Variants in AMPH observed in about 807,000 individuals in gnomAD.
AMPH encodes the protein amphiphysin (Stiff-Mann syndrome with breast cancer 128kD autoantigen).
A neutral mutation model predicts 99.1 loss-of-function variants in AMPH; 49 were observed. The observed-to-expected ratio is 0.49, with a 90% CI of 0.39 to 0.63. The LOEUF (loss-of-function observed/expected upper bound fraction) is 0.63. Ranked by LOEUF, AMPH falls within the 20% of genes least tolerant of loss-of-function variation. The probability of loss-of-function intolerance (pLI) is 0.00; values close to 1 mark genes in which losing one functional copy is unlikely to be tolerated. For missense variants in AMPH, 759 were observed against 863.4 expected (o/e 0.88, Z 1.52); for synonymous variants, 314 against 317.3 (o/e 0.99, Z 0.11).
At chr7:38,444,610 G>C (rs1028698120) in intron 11 of AMPH, among the ~76,000 whole-genome samples, 7 of 152,196 alleles carry the variant, frequency 4.6e-5, no homozygotes, top group Admixed American at 3.3e-4. Flanking sequence ...TAGGAGAGAA[G>C]AAAGGATTGA....
At chr7:38,392,485 G>C (rs376910889) in intron 18 of AMPH, 3 of 148,424 alleles carry the variant, frequency 2.0e-5, no homozygotes, top group South Asian at 2.2e-4. Context: ...CTCCCGGGTT[G>C]ACGCCATTCT....
chr7:38,535,979 C>A (rs1790583949), intron 1 of AMPH, among the ~76,000 whole-genome samples: 3 of 152,078 alleles, frequency 2.0e-5, no homozygotes, highest in Admixed American at 2.0e-4. Context: ...ATGGTAAGTT[C>A]CGTCTCACCA....
At chr7:38,388,949 T>C (rs1161446401) in intron 20 of AMPH, among the ~76,000 whole-genome samples, 2 of 152,206 alleles carry the variant, frequency 1.3e-5, no homozygotes, top group African/African-American at 4.8e-5. Context: ...CAGCAGATTA[T>C]TGTTATATAA....
At chr7:38,410,166 AC>A (rs1451119237) in intron 17 of AMPH, among the ~76,000 whole-genome samples, 1 of 152,150 alleles carries the variant, frequency 6.6e-6, no homozygotes, top group Non-Finnish European at 1.5e-5. Context: ...CTGCTGTTAC[AC>A]CTCAAACTGC....
intron 1 of AMPH, among the ~76,000 whole-genome samples, chr7:38,565,016 C>T (rs965376814): frequency 1.3e-5 from 2 of 150,764 alleles, no homozygotes; most frequent in East Asian, 2.0e-4. Flanking sequence ...CCCAGCTACT[C>T]GGGAGGCTGA....
chr7:38,476,852 C>T lies in AMPH; in HGVS notation c.504+10G>A. The T allele has an allele frequency of 6.3e-7, 1 of 1,599,852 alleles. No homozygotes were observed. Among genetic ancestry groups the T allele is most frequent in the Middle Eastern group, 1.7e-4 (1 of 6,032 alleles). On this transcript the variant is annotated intron_variant, in intron 6 of 20. Coordinates refer to ENST00000356264, the MANE Select transcript of AMPH (RefSeq NM_001635.4). The stretch of plus-strand genomic sequence containing the variant: ...CGGAGAGTGGTATTCACCATGGGCT[C>T]AATCCCTACCTTAGAGATTCGACTC...
chr7:38,399,171 C>T (rs899178787), intron 17 of AMPH, among the ~76,000 whole-genome samples: 6 of 152,356 alleles, frequency 3.9e-5, no homozygotes, highest in Admixed American at 3.9e-4. Flanking sequence ...ACAAACAACA[C>T]TCCTACACCC....
Position 38,586,563 on chromosome 7 carries a change from C to CATATAT in AMPH, c.69+44714_69+44719dup, listed in dbSNP as rs56787018. ...TAAGCAACATAGACTGATCTTTTCT[C>CATATAT]ATATATATATATCACATTCATGTAA... On this transcript the variant is annotated intron_variant, in intron 1 of 20. Transcript: ENST00000356264. Among the ~76,000 whole-genome samples the CATATAT allele has an allele frequency of 2.2e-3, 334 of 151,676 alleles. 2 individuals carry two copies. Among genetic ancestry groups the CATATAT allele is most frequent in the African/African-American group, 5.5e-3 (227 of 41,356 alleles).
intron 1 of AMPH, among the ~76,000 whole-genome samples, chr7:38,618,051 TCTTG>T (rs1489330457): frequency 6.6e-6 from 1 of 152,210 alleles, no homozygotes; most frequent in Non-Finnish European, 1.5e-5. Flanking sequence ...CGTACTATGA[TCTTG>T]CTTTATTTTT....
chr7:38,607,582 A>G (rs1373285717), intron 1 of AMPH, among the ~76,000 whole-genome samples: 3 of 152,208 alleles, frequency 2.0e-5, no homozygotes, highest in African/African-American at 7.2e-5. Flanking sequence ...GAGTATAGTA[A>G]GTGGAGGAAA....
At chr7:38,429,647 T>A in intron 14 of AMPH, 195 bp downstream of exon 14, 1 of 1,400,784 alleles carries the variant, frequency 7.1e-7, no homozygotes, top group Non-Finnish European at 9.5e-7. Context: ...TGGTAAGATT[T>A]GATGAGAAAC....
At chr7:38,577,373 T>C (rs997253010) in intron 1 of AMPH, among the ~76,000 whole-genome samples, 2 of 152,132 alleles carry the variant, frequency 1.3e-5, no homozygotes, top group East Asian at 3.8e-4. Flanking sequence ...TCTTCGCTTC[T>C]CCATAAGCAG....
chr7:38,593,468 T>C (rs112055071), intron 1 of AMPH, among the ~76,000 whole-genome samples: 5 of 152,338 alleles, frequency 3.3e-5, no homozygotes, highest in African/African-American at 1.2e-4. Context: ...CGTTCCTGAG[T>C]GGCTCTTACA....
At chr7:38,487,523 CAA>C (rs1562786263) in intron 5 of AMPH, among the ~76,000 whole-genome samples, 2 of 152,198 alleles carry the variant, frequency 1.3e-5, no homozygotes, top group East Asian at 3.9e-4. Context: ...AAAATTAACT[CAA>C]GATAGATTAA....
intron 1 of AMPH, among the ~76,000 whole-genome samples, chr7:38,599,325 C>T (rs1289808947): frequency 6.6e-6 from 1 of 152,226 alleles, no homozygotes; most frequent in Non-Finnish European, 1.5e-5. Flanking sequence ...CCTCTTCTTC[C>T]TCATCCTCCT....
intron 3 of AMPH, among the ~76,000 whole-genome samples, chr7:38,499,702 T>A (rs925057439): frequency 6.6e-6 from 1 of 152,150 alleles, no homozygotes; most frequent in Non-Finnish European, 1.5e-5. Flanking sequence ...TAAATTATGA[T>A]CTACTTAAGG....
chr7:38,535,133 C>T (rs545899361), intron 1 of AMPH, 122 bp from the exon 2 acceptor site: 15 of 766,086 alleles, frequency 2.0e-5, no homozygotes, highest in South Asian at 3.6e-5. Flanking sequence ...ACTATCAGCA[C>T]TTCTAATTTT....
At chr7:38,460,059 A>G (rs1787382615) in intron 11 of AMPH, among the ~76,000 whole-genome samples, 1 of 152,184 alleles carries the variant, frequency 6.6e-6, no homozygotes, top group Admixed American at 6.5e-5. Flanking sequence ...AAAAGAAAAC[A>G]TACAAATGGC....
At chr7:38,501,612 AT>A in intron 3 of AMPH, among the ~76,000 whole-genome samples, 1 of 152,188 alleles carries the variant, frequency 6.6e-6, no homozygotes, top group African/African-American at 2.4e-5. Context: ...TTAAAAATCA[AT>A]TTTGCTAATT....
Sources: gnomAD v4.1 joint callset for allele counts (sites outside exome capture counted in the v4.1 genomes callset) on GRCh38, gnomAD v4.1.1 for gene constraint, MANE v1.5 for transcripts, NCBI Gene and HGNC (gene_info 2026-07-23, HGNC 2026-07-21) for gene names.